Variants in SCN8A observed in about 807,000 individuals in gnomAD.
SCN8A encodes sodium channel protein type 8 subunit alpha.
A neutral mutation model predicts 184.1 loss-of-function variants in SCN8A; 30 were observed. The ratio of observed to expected loss-of-function variants is 0.16; its 90% CI spans 0.12 to 0.22. The LOEUF (loss-of-function observed/expected upper bound fraction) is 0.22. Ranked by LOEUF, SCN8A falls within the 10% of genes least tolerant of loss-of-function variation. The pLI is 1.00. For synonymous variants in SCN8A, 852 were observed against 907.0 expected (o/e 0.94, Z 1.09); for missense variants, 1,057 against 2,498.9 (o/e 0.42, Z 12.30).
In SCN8A at chr12:51,755,664, G is replaced by T. The variant is rs535326532; in HGVS notation, c.2370+4071G>T. 2.0e-5 allele frequency among the ~76,000 whole-genome samples: 3 copies of T among 151,896 alleles called. No homozygotes were observed. In the East Asian group the frequency reaches 5.8e-4, roughly 29 times the overall value. On this transcript the variant is annotated intron_variant, in intron 14 of 26. Coordinates refer to ENST00000627620, the MANE Select transcript of SCN8A (RefSeq NM_001330260.2). Reference sequence around the variant, plus strand: ...GAAGAGGTGGAGATCTGAGATCTAGGTATGCATATTGCTATGGGAGCAGCA... The same window carrying T: ...GAAGAGGTGGAGATCTGAGATCTAGTTATGCATATTGCTATGGGAGCAGCA...
intron 6 of SCN8A, among the ~76,000 whole-genome samples, chr12:51,697,025 C>T (rs1387227707): frequency 8.3e-6 from 1 of 120,234 alleles, no homozygotes; most frequent in Non-Finnish European, 1.6e-5. Flanking sequence ...GACGACAGAG[C>T]GAGAATCCGA....
chr12:51,601,855 G>T lies in SCN8A; in HGVS notation c.-55+10496G>T, dbSNP rs7301771. Among the ~76,000 whole-genome samples the T allele has an allele frequency of 6.0e-3, 661 of 109,764 alleles. 6 individuals are homozygous for T. The highest frequency in any genetic ancestry group is 0.022 in the African/African-American group (605 of 27,566). The allele number at this position is 109,764 out of a possible 152,430, so 72.0% of individuals were successfully genotyped here. A position where few individuals can be genotyped will look rare whatever the true frequency, so the allele number is the denominator to read the frequency against. The stretch of plus-strand genomic sequence containing the variant: ...GCCAAGGGTGGTGCTCAGAGAAAGG[G>T]TTTTTTTTTTTTTTTTTTTTTTTTT... On this transcript the variant is annotated intron_variant, in intron 1 of 26. Coordinates refer to ENST00000627620, the MANE Select transcript of SCN8A (RefSeq NM_001330260.2).
Position 51,807,928 on chromosome 12 carries a change from C to G in SCN8A, c.*499C>G, listed in dbSNP as rs891269949. The G allele has an allele frequency of 5.9e-6, 1 of 170,232 alleles. No homozygotes were observed. Among genetic ancestry groups the G allele is most frequent in the African/African-American group, 2.4e-5 (1 of 41,562 alleles). The allele number at this position is 170,232 out of a possible 1,614,324, so 10.5% of individuals were successfully genotyped here. Reference sequence around the variant, plus strand: ...CATTTAGCCCATGTCATTTAATTGTCAGTTTCTTTGACATAAAGCGCATCT... The same window carrying G: ...CATTTAGCCCATGTCATTTAATTGTGAGTTTCTTTGACATAAAGCGCATCT... On this transcript the variant is annotated 3_prime_UTR_variant, in exon 27 of 27. Coordinates refer to ENST00000627620, the MANE Select transcript of SCN8A (RefSeq NM_001330260.2). This position sits in a 1 kb window ranked among gnomAD's most constrained non-coding sequence, Gnocchi z 4.5.
chr12:51,778,297 T>G (rs1385135071), intron 20 of SCN8A, among the ~76,000 whole-genome samples: 1 of 152,110 alleles, frequency 6.6e-6, no homozygotes, highest in African/African-American at 2.4e-5. Context: ...TTTATTTATT[T>G]ATTTGAGATG....
chr12:51,739,866 C>T (rs1038611553), intron 12 of SCN8A, among the ~76,000 whole-genome samples: 1 of 152,256 alleles, frequency 6.6e-6, no homozygotes, highest in African/African-American at 2.4e-5. Context: ...AGGGGTCTCA[C>T]AGCCTTCGGA....
chr12:51,703,058 T>A, intron 9 of SCN8A, 144 bp downstream of exon 9: 1 of 788,550 alleles, frequency 1.3e-6, no homozygotes, highest in African/African-American at 1.7e-5. Flanking sequence ...TTTTTGATAT[T>A]AAGTGAATTC....
chr12:51,662,093 A>G (rs1005886724), intron 1 of SCN8A, among the ~76,000 whole-genome samples: 3 of 152,194 alleles, frequency 2.0e-5, no homozygotes, highest in Non-Finnish European at 4.4e-5. Context: ...TGCTTTTTCT[A>G]GTTGCTAAGC....
At position 51,715,954 on chromosome 12, in the gene SCN8A, A is replaced by C. The variant is rs4762008; in HGVS notation, c.1636-5592A>C. 4.9e-3 allele frequency among the ~76,000 whole-genome samples: 751 copies of C among 152,332 alleles called. 6 individuals are homozygous for C. Among genetic ancestry groups the C allele is most frequent in the African/African-American group, 0.015 (630 of 41,578 alleles). Reference sequence around the variant, plus strand: ...TGTGCAAAGCACTCTGGGAGATATAAGGATGAATCAGTCAATGTGCCCTTA... The same window carrying C: ...TGTGCAAAGCACTCTGGGAGATATACGGATGAATCAGTCAATGTGCCCTTA... On this transcript the variant is annotated intron_variant, in intron 11 of 26. Coordinates refer to ENST00000627620, the MANE Select transcript of SCN8A (RefSeq NM_001330260.2).
At chr12:51,601,012 A>G (rs1031493409) in intron 1 of SCN8A, among the ~76,000 whole-genome samples, 1 of 152,174 alleles carries the variant, frequency 6.6e-6, no homozygotes, top group Admixed American at 6.5e-5. Context: ...TACCCAAATT[A>G]CCCTTACAGT....
chr12:51,680,577 A>G (rs912403077), intron 2 of SCN8A, among the ~76,000 whole-genome samples: 1 of 152,180 alleles, frequency 6.6e-6, no homozygotes, highest in African/African-American at 2.4e-5. Context: ...TTTATGAAGC[A>G]CCTGCTGTAT....
At chr12:51,611,791 G>A (rs943412936) in intron 1 of SCN8A, among the ~76,000 whole-genome samples, 1 of 151,972 alleles carries the variant, frequency 6.6e-6, no homozygotes, top group Non-Finnish European at 1.5e-5. Flanking sequence ...CACTGCACCC[G>A]GCCTAATGTA....
intron 6 of SCN8A, among the ~76,000 whole-genome samples, chr12:51,697,775 A>G (rs1446958416): frequency 6.6e-6 from 1 of 152,264 alleles, no homozygotes; most frequent in Non-Finnish European, 1.5e-5. Flanking sequence ...GGTTCAGACA[A>G]TAATGGTCAA....
At chr12:51,739,477 A>G (rs1447018024) in intron 12 of SCN8A, among the ~76,000 whole-genome samples, 3 of 152,108 alleles carry the variant, frequency 2.0e-5, no homozygotes, top group Admixed American at 1.3e-4. Flanking sequence ...TTCCTTTGCC[A>G]CTTTAGCTTT....
At chr12:51,623,902 A>G (rs533921427) in intron 1 of SCN8A, among the ~76,000 whole-genome samples, 1 of 152,214 alleles carries the variant, frequency 6.6e-6, no homozygotes, top group East Asian at 1.9e-4. Context: ...GCTGAGAATG[A>G]TGGTTTCCAG....
chr12:51,632,184 T>C (rs974758363), intron 1 of SCN8A, among the ~76,000 whole-genome samples: 1 of 152,254 alleles, frequency 6.6e-6, no homozygotes, highest in Non-Finnish European at 1.5e-5. Flanking sequence ...AAAGAAATTC[T>C]GGAATTCCTA....
chr12:51,785,891 G>A (rs974940550), intron 21 of SCN8A, among the ~76,000 whole-genome samples: 1 of 152,122 alleles, frequency 6.6e-6, no homozygotes, highest in African/African-American at 2.4e-5. Context: ...TACAAAGTCA[G>A]AATAAAAAGG....
At chr12:51,670,066 G>A (rs959017663) in intron 2 of SCN8A, among the ~76,000 whole-genome samples, 4 of 152,188 alleles carry the variant, frequency 2.6e-5, no homozygotes, top group Non-Finnish European at 5.9e-5. Context: ...GAAACAAAAT[G>A]ATGTTTCAGT....
chr12:51,785,467 G>A (rs147422996), intron 21 of SCN8A, among the ~76,000 whole-genome samples: 1 of 152,262 alleles, frequency 6.6e-6, no homozygotes, highest in African/African-American at 2.4e-5. Flanking sequence ...GAATATCATT[G>A]CATTTTTTAC....
At chr12:51,802,783 C>T (rs984705139) in intron 26 of SCN8A, among the ~76,000 whole-genome samples, 4 of 152,268 alleles carry the variant, frequency 2.6e-5, no homozygotes, top group South Asian at 2.1e-4. Flanking sequence ...TCAAGAACGA[C>T]GAATCAGGAA....
Sources: allele counts gnomAD v4.1 joint callset (sites outside exome capture counted in the v4.1 genomes callset), GRCh38; gene constraint gnomAD v4.1.1; non-coding constraint Gnocchi (gnomAD v3.1); transcripts MANE v1.5; gene names NCBI Gene and HGNC (gene_info 2026-07-23, HGNC 2026-07-21).